The following PRMT8 variants were observed in gnomAD, a reference collection of about 807,000 sequenced individuals.
The protein encoded by PRMT8 is protein arginine N-methyltransferase 8.
PRMT8 carries 7 observed loss-of-function variants against 47.1 expected under a neutral mutation model. The ratio of observed to expected loss-of-function variants is 0.15; its 90% CI spans 0.08 to 0.28. The LOEUF (loss-of-function observed/expected upper bound fraction) is 0.28. Among genes scored for constraint, PRMT8 ranks in the 10% least tolerant of loss-of-function variants. The pLI is 1.00. For missense variants in PRMT8, 237 were observed against 505.4 expected (o/e 0.47, Z 5.09); for synonymous variants, 188 against 186.5 (o/e 1.01, Z -0.07).
Position 3,442,128 on chromosome 12 carries a change from T to C in PRMT8, c.48+60686T>C, listed in dbSNP as rs78910724. On this transcript the variant is annotated intron_variant, in intron 1 of 9. Coordinates refer to the PRMT8 transcript ENST00000452611. ...TAAAAATGAAAGTGTGAAAACGGAT[T>C]GGGCAACTCAGCATCAAGCTAAAAA... Among the ~76,000 whole-genome samples, 62 of 152,294 alleles carry C rather than the reference T, an allele frequency of 4.1e-4. 1 individual carries two copies. The East Asian group carries it at 0.012, about 28-fold the overall frequency.
intron 4 of PRMT8, 44 bp downstream of exon 4, chr12:3,553,758 G>A (rs763947472): frequency 3.5e-5 from 53 of 1,501,794 alleles, no homozygotes; most frequent in Non-Finnish European, 4.9e-5. Flanking sequence ...GGAGGGGACG[G>A]GAAGCTCACA....
rs774364244 is a variant in PRMT8, at chr12:3,570,115, G to T, written c.712+551G>T. Among the ~76,000 whole-genome samples, 9 of 152,048 alleles carry T rather than the reference G, an allele frequency of 5.9e-5. No homozygotes were observed. Among genetic ancestry groups the T allele is most frequent in the Non-Finnish European group, 1.2e-4 (8 of 68,010 alleles). Reference sequence around the variant, plus strand: ...TGCTTTGAACAATCAAACGAAAGGCGAGTGTGCATGTGTGCATGAGGCAGG... The same window carrying T: ...TGCTTTGAACAATCAAACGAAAGGCTAGTGTGCATGTGTGCATGAGGCAGG... On this transcript the variant is annotated intron_variant, in intron 6 of 9. Transcript: ENST00000382622. This position sits in a 1 kb window ranked among gnomAD's most constrained non-coding sequence, Gnocchi z 5.5.
intron 3 of PRMT8, chr12:3,551,337 C>T (rs747374046): frequency 5.9e-5 from 9 of 152,430 alleles, no homozygotes; most frequent in African/African-American, 1.2e-4. Context: ...GGGGCCCATC[C>T]GGAGGCCCAA....
intron 9 of PRMT8, among the ~76,000 whole-genome samples, chr12:3,592,700 G>A (rs952611206): frequency 2.6e-5 from 4 of 152,158 alleles, no homozygotes; most frequent in South Asian, 2.1e-4. Context: ...GATGTTTGGC[G>A]TGCATTTCTT....
chr12:3,475,295 A>T (rs1049935903), intron 1 of PRMT8, among the ~76,000 whole-genome samples: 3 of 152,232 alleles, frequency 2.0e-5, no homozygotes, highest in Non-Finnish European at 4.4e-5. Flanking sequence ...AAGGGCAGAA[A>T]AAAGTCCCAC....
At chr12:3,398,067 G>A (rs1390687685) in intron 1 of PRMT8, among the ~76,000 whole-genome samples, 1 of 151,946 alleles carries the variant, frequency 6.6e-6, no homozygotes, top group South Asian at 2.1e-4. Context: ...GCTTCGGCTC[G>A]CGCACGGTGC....
At chr12:3,475,359 C>T (rs566260180) in intron 1 of PRMT8, among the ~76,000 whole-genome samples, 6 of 152,242 alleles carry the variant, frequency 3.9e-5, no homozygotes, top group Admixed American at 3.9e-4. Context: ...GGACATTTGC[C>T]CCAGGGACTG....
At chr12:3,483,686 A>T (rs1865296327) in intron 1 of PRMT8, among the ~76,000 whole-genome samples, 1 of 152,218 alleles carries the variant, frequency 6.6e-6, no homozygotes, top group Admixed American at 6.5e-5. Flanking sequence ...CAGCCCGTTA[A>T]TTTGAATATA....
intron 1 of PRMT8, among the ~76,000 whole-genome samples, chr12:3,473,037 G>T (rs1281069565): frequency 2.0e-5 from 3 of 152,008 alleles, no homozygotes; most frequent in Non-Finnish European, 4.4e-5. Context: ...ATTCAAACAT[G>T]CCCCAGGCGC....
chr12:3,406,578 T>C (rs1359036070), intron 1 of PRMT8, among the ~76,000 whole-genome samples: 1 of 152,186 alleles, frequency 6.6e-6, no homozygotes, highest in Non-Finnish European at 1.5e-5. Context: ...GTTACACAGA[T>C]CTCTAAGGCA....
chr12:3,553,359 A>C lies in PRMT8; in HGVS notation c.418-292A>C, dbSNP rs1591599108. ...CTCCTGCCATTCTCTGCTGGCCAGG[A>C]GCATGAGGTCTGCCAGCCCCTTTTG... On this transcript the variant is annotated intron_variant, in intron 3 of 9. Transcript: ENST00000382622. 9.3e-5 allele frequency: 46 copies of C among 496,060 alleles called. No homozygotes were observed. The East Asian group carries it at 1.6e-3, about 17-fold the overall frequency. 30.7% of individuals were successfully genotyped at this position (496,060 alleles called of 1,614,324 possible). A position where few individuals can be genotyped will look rare whatever the true frequency, so the allele number is the denominator to read the frequency against.
chr12:3,463,792 C>T (rs892743694), intron 1 of PRMT8, among the ~76,000 whole-genome samples: 12 of 152,120 alleles, frequency 7.9e-5, no homozygotes, highest in African/African-American at 2.9e-4. Flanking sequence ...GGAGAATAAC[C>T]AGGACAAAGA....
chr12:3,454,042 C>G (rs2137082516), intron 1 of PRMT8, among the ~76,000 whole-genome samples: 1 of 152,304 alleles, frequency 6.6e-6, no homozygotes, highest in South Asian at 2.1e-4. Flanking sequence ...GGGCGTCAGC[C>G]TAGCCCAGCC....
At chr12:3,449,204 G>T (rs1264720347) in intron 1 of PRMT8, among the ~76,000 whole-genome samples, 1 of 152,166 alleles carries the variant, frequency 6.6e-6, no homozygotes, top group Non-Finnish European at 1.5e-5. Flanking sequence ...ATATACGTGT[G>T]CATGTATCTT....
chr12:3,553,423 G>A, intron 3 of PRMT8: 1 of 597,146 alleles, frequency 1.7e-6, no homozygotes, highest in South Asian at 2.0e-5. Context: ...ATCACGGGTG[G>A]TGACTAGACA....
intron 1 of PRMT8, among the ~76,000 whole-genome samples, chr12:3,511,049 C>A (rs1413945026): frequency 1.3e-5 from 2 of 152,162 alleles, no homozygotes; most frequent in East Asian, 3.8e-4. Context: ...GTAGGCTTAC[C>A]CCTTAAATAA....
In PRMT8 at chr12:3,568,740, G is replaced by A. The variant is rs187240880; in HGVS notation, c.516G>A (p.Val172=). 23 of 1,614,160 alleles carry A rather than the reference G, an allele frequency of 1.4e-5. No individual in the cohort carries two copies. In the East Asian group the frequency reaches 4.5e-4, roughly 31 times the overall value. The part of the protein sequence containing the change: ...ITIFKGKVEE[V]ELPVEKVDII... ...TATTTAAGGGTAAAGTGGAAGAGGT[G>A]GAGCTGCCTGTGGAGAAGGTGGACA... The change falls in exon 5 of 10, where the codon GTG becomes GTA. Residue 172 remains valine (V), a synonymous_variant. Coordinates refer to ENST00000382622, the MANE Select transcript of PRMT8 (RefSeq NM_019854.5).
chr12:3,450,488 T>G (rs1470831187), intron 1 of PRMT8, among the ~76,000 whole-genome samples: 1 of 152,216 alleles, frequency 6.6e-6, no homozygotes, highest in Non-Finnish European at 1.5e-5. Context: ...AAATTCCAAT[T>G]TCCTCTTGAA....
chr12:3,407,717 TTCTC>T (rs1171635052), intron 1 of PRMT8, among the ~76,000 whole-genome samples: 1 of 152,218 alleles, frequency 6.6e-6, no homozygotes, highest in Admixed American at 6.5e-5. Flanking sequence ...TTTTGTGCCT[TTCTC>T]TGTATCTTCT....
Sources: gnomAD v4.1 joint callset for allele counts (sites outside exome capture counted in the v4.1 genomes callset) on GRCh38, gnomAD v4.1.1 for gene constraint, Gnocchi (gnomAD v3.1) non-coding constraint, MANE v1.5 for transcripts, NCBI Gene and HGNC (gene_info 2026-07-23, HGNC 2026-07-21) for gene names.